The following CLTCL1 variants were observed in gnomAD, a reference collection of about 807,000 sequenced individuals.
CLTCL1 encodes clathrin heavy chain like 1.
A neutral mutation model predicts 190.0 loss-of-function variants in CLTCL1; 159 were observed. The ratio of observed to expected loss-of-function variants is 0.84; its 90% CI spans 0.74 to 0.95. The LOEUF is 0.95. Among genes scored for constraint, CLTCL1 ranks in the 40% least tolerant of loss-of-function variants. The probability of loss-of-function intolerance (pLI) is 0.00; values close to 1 mark genes in which losing one functional copy is unlikely to be tolerated. For synonymous variants in CLTCL1, 752 were observed against 769.6 expected (o/e 0.98, Z 0.38); for missense variants, 1,878 against 2,033.4 (o/e 0.92, Z 1.47).
chr22:19,243,749 G>C (rs1432697167), intron 3 of CLTCL1, among the ~76,000 whole-genome samples: 2 of 139,560 alleles, frequency 1.4e-5, no homozygotes, highest in Non-Finnish European at 3.0e-5. Flanking sequence ...CCAGGCTGGA[G>C]TGCAGTGGCG....
At chr22:19,208,694 T>C (rs1601522321) in intron 21 of CLTCL1, among the ~76,000 whole-genome samples, 1 of 151,792 alleles carries the variant, frequency 6.6e-6, no homozygotes, top group Admixed American at 6.6e-5. Context: ...CTAGTGTGCT[T>C]AAATGACCTC....
intron 2 of CLTCL1, chr22:19,257,994 A>G (rs893330468): frequency 3.4e-6 from 2 of 582,846 alleles, no homozygotes; most frequent in Non-Finnish European, 6.2e-6. Flanking sequence ...GACAATGCCC[A>G]TCTTGCTGCT....
chr22:19,228,161 C>T (rs1182729968), intron 11 of CLTCL1, among the ~76,000 whole-genome samples: 1 of 152,252 alleles, frequency 6.6e-6, no homozygotes, highest in Non-Finnish European at 1.5e-5. Context: ...CGATCAAACA[C>T]AGTACTAAGA....
chr22:19,255,408 C>A (rs2086713108), intron 2 of CLTCL1, among the ~76,000 whole-genome samples: 1 of 151,840 alleles, frequency 6.6e-6, no homozygotes, highest in Admixed American at 6.6e-5. Flanking sequence ...ACCAAAAATA[C>A]AAAAATTAGC....
intron 27 of CLTCL1, among the ~76,000 whole-genome samples, chr22:19,188,906 C>T (rs368271118): frequency 2.2e-4 from 34 of 152,134 alleles, no homozygotes; most frequent in Middle Eastern, 6.8e-3. Flanking sequence ...TGAGCCACTG[C>T]GCCCAGCCGG....
intron 30 of CLTCL1, chr22:19,183,042 G>A (rs2084192865): frequency 3.2e-6 from 1 of 308,460 alleles, no homozygotes; most frequent in South Asian, 3.4e-5. Flanking sequence ...CAGGGAGCTG[G>A]GATTGCCAGC....
chr22:19,184,377 C>T, intron 29 of CLTCL1: 1 of 429,382 alleles, frequency 2.3e-6, no homozygotes, highest in Non-Finnish European at 4.7e-6. Flanking sequence ...GCATGCCTGC[C>T]ATCGCCTGCA....
intron 31 of CLTCL1, 77 bp from the exon 32 acceptor site, chr22:19,180,315 A>T: frequency 1.4e-6 from 2 of 1,435,866 alleles, no homozygotes; most frequent in Non-Finnish European, 2.0e-6. Flanking sequence ...CGTGCTGCAC[A>T]CTCACACCAC....
chr22:19,221,679 G>T (rs2085575292), intron 16 of CLTCL1, 68 bp from the exon 17 acceptor site: 3 of 1,338,494 alleles, frequency 2.2e-6, no homozygotes, highest in Admixed American at 4.6e-5. Context: ...CAACTCCAGG[G>T]CTCTGACAGA....
intron 2 of CLTCL1, among the ~76,000 whole-genome samples, chr22:19,260,606 C>T (rs908409373): frequency 7.3e-5 from 11 of 151,658 alleles, no homozygotes; most frequent in African/African-American, 1.7e-4. Context: ...AAAGAAACCC[C>T]GTCTCTACTA....
rs782698168 is a variant in CLTCL1 at position 19,223,981 on chromosome 22, A to G, written c.2202T>C (p.Ala734=). Residue 734 remains alanine, a synonymous_variant, in exon 14 of 33, where the codon GCT becomes GCC. Coordinates refer to ENST00000427926, the MANE Select transcript of CLTCL1 (RefSeq NM_007098.4). ...DPDVHLKYIQ[A]ACKTGQIKEV... is the part of the protein sequence containing the mutation. ...CCTTGATCTGCCCTGTCTTACAGGC[A>G]GCCTGAATGTATTTCAGATGCACAT... The G allele has an allele frequency of 6.2e-7, 1 of 1,613,994 alleles. No individual in the cohort carries two copies. The highest frequency in any genetic ancestry group is 1.1e-5 in the South Asian group (1 of 91,078).
chr22:19,222,501 T>G (rs531397043), intron 15 of CLTCL1, among the ~76,000 whole-genome samples, 183 bp downstream of exon 15: 1 of 152,294 alleles, frequency 6.6e-6, no homozygotes, highest in Admixed American at 6.5e-5. Flanking sequence ...GAGAAATAAA[T>G]GTGTGTTGTT....
At chr22:19,257,830 C>A in intron 2 of CLTCL1, 1 of 1,428,126 alleles carries the variant, frequency 7.0e-7, no homozygotes. Context: ...AGCCTGGAGA[C>A]TGAGAATTAG....
chr22:19,261,334 C>T (rs1091014), intron 2 of CLTCL1, among the ~76,000 whole-genome samples: 10,832 of 152,102 alleles, frequency 0.071, 472 homozygotes, highest in Middle Eastern at 0.17. Context: ...ATGGTCTCGA[C>T]CTCCTGACCT....
At position 19,230,094 on chromosome 22, in the gene CLTCL1, C is replaced by G. The variant is rs113338080; in HGVS notation, c.1645-119G>C. ...AGAAATTCAGCAATTAGTTCCCTCC[C>G]TTGGTTTTTTTTTTTTTTTTGAGAT... On this transcript the variant is annotated intron_variant, in intron 10 of 32. Transcript: ENST00000427926. 305 of 711,102 alleles carry G rather than the reference C, an allele frequency of 4.3e-4. 3 individuals are homozygous for G. The African/African-American group carries it at 4.5e-3, about 11-fold the overall frequency. 44.0% of individuals were successfully genotyped at this position (711,102 alleles called of 1,614,324 possible). A position where few individuals can be genotyped will look rare whatever the true frequency, so the allele number is the denominator to read the frequency against.
rs1272120807 is a variant in CLTCL1 at position 19,235,714 on chromosome 22, A to G, written c.951T>C (p.Gly317=). ...APHKPTSGII[G]VNKKGQVLSV... ...TACACACCTGTCCCTTTTTGTTGAC[A>G]CCAATAATTCCAGAGGTTGGTTTGT... The change falls in exon 6 of 33, where the codon GGT becomes GGC. Residue 317 remains glycine, a synonymous_variant. Transcript: ENST00000427926. 6 of 1,612,134 alleles carry G rather than the reference A, an allele frequency of 3.7e-6. No homozygotes were observed. In the African/African-American group the frequency reaches 4.0e-5, roughly 11 times the overall value.
rs1555959947 is a variant in CLTCL1, at chr22:19,233,193, G to C, written c.1494C>G (p.Phe498Leu). Residue 498 changes from phenylalanine to leucine, a missense_variant, in exon 9 of 33, where the codon TTC (phenylalanine) becomes TTG (leucine). Coordinates refer to ENST00000427926, the MANE Select transcript of CLTCL1 (RefSeq NM_007098.4). ...VIQCFAETGQFQKIVLYAKKV... is the reference protein window; with the variant it reads ...VIQCFAETGQLQKIVLYAKKV... ...TTTTGGCATAGAGCACAATTTTCTGGAATTGGCCTGTTTCTGCAAAACACT... is the reference window on the plus strand; with the variant it reads ...TTTTGGCATAGAGCACAATTTTCTGCAATTGGCCTGTTTCTGCAAAACACT... 1.2e-6 allele frequency: 2 copies of C among 1,613,816 alleles called. No homozygotes were observed. The highest frequency in any genetic ancestry group is 1.7e-6 in the Non-Finnish European group (2 of 1,179,728).
At chr22:19,192,478 G>C (rs1387393130) in intron 26 of CLTCL1, among the ~76,000 whole-genome samples, 5 of 152,218 alleles carry the variant, frequency 3.3e-5, no homozygotes, top group Non-Finnish European at 7.3e-5. Flanking sequence ...CAGTGGTGAT[G>C]AATGTGTCTG....
intron 28 of CLTCL1, 126 bp downstream of exon 28, chr22:19,187,855 A>G (rs2084364578): frequency 7.6e-7 from 1 of 1,320,574 alleles, no homozygotes; most frequent in African/African-American, 1.5e-5. Flanking sequence ...CTGCCCATAT[A>G]TCCACTGGTG....
Sources: allele counts gnomAD v4.1 joint callset (sites outside exome capture counted in the v4.1 genomes callset), GRCh38; gene constraint gnomAD v4.1.1; transcripts MANE v1.5; gene names NCBI Gene and HGNC (gene_info 2026-07-23, HGNC 2026-07-21).